SNUPN: variants seen among roughly 807,000 people sequenced by gnomAD.
SNUPN encodes the protein snurportin 1, also known as snurportin-1.
Under a neutral mutation model 39.2 loss-of-function variants are expected in SNUPN, and 31 were observed. That is an observed-to-expected ratio of 0.79 (90% CI 0.59 to 1.07). The LOEUF is 1.07. Ranked by LOEUF, SNUPN falls within the 50% of genes least tolerant of loss-of-function variation. The pLI is 0.00. For missense variants in SNUPN, 382 were observed against 434.2 expected (o/e 0.88, Z 1.07); for synonymous variants, 132 against 159.0 (o/e 0.83, Z 1.28).
intron 6 of SNUPN, 80 bp from the exon 7 acceptor site, chr15:75,605,307 T>A (rs1392467995): frequency 1.4e-5 from 4 of 287,336 alleles, no homozygotes; most frequent in East Asian, 7.1e-5. Flanking sequence ...CCCATGCTAT[T>A]TTTTTTTTTT....
At chr15:75,605,805 C>T (rs1170217386) in intron 6 of SNUPN, among the ~76,000 whole-genome samples, 2 of 152,162 alleles carry the variant, frequency 1.3e-5, no homozygotes, top group Admixed American at 6.6e-5. Context: ...TGGTTCTACA[C>T]GTGGGCAAGG....
At chr15:75,609,853 C>T in intron 4 of SNUPN, 37 bp downstream of exon 4, 2 of 1,496,212 alleles carry the variant, frequency 1.3e-6, no homozygotes, top group South Asian at 1.1e-5. Context: ...CCACTACAGA[C>T]CAGGCCTACT....
chr15:75,610,960 G>C (rs1372513562), intron 3 of SNUPN, among the ~76,000 whole-genome samples: 2 of 152,048 alleles, frequency 1.3e-5, no homozygotes, highest in Non-Finnish European at 2.9e-5. Context: ...ACGAGGTCAA[G>C]AGATTGAGAC....
At chr15:75,611,172 GAA>G (rs1233905715) in intron 3 of SNUPN, among the ~76,000 whole-genome samples, 2 of 109,362 alleles carry the variant, frequency 1.8e-5, no homozygotes, top group South Asian at 3.2e-4. Flanking sequence ...GTCTCAAAAA[GAA>G]AAAAAAAAAA....
chr15:75,617,278 T>C, intron 3 of SNUPN, 130 bp downstream of exon 3: 1 of 926,686 alleles, frequency 1.1e-6, no homozygotes, highest in Non-Finnish European at 1.7e-6. Context: ...ACTGGCATGT[T>C]CTTTGCAGTT....
At chr15:75,609,766 G>A in intron 4 of SNUPN, 115 bp from the exon 5 acceptor site, 1 of 1,136,938 alleles carries the variant, frequency 8.8e-7, no homozygotes, top group African/African-American at 1.5e-5. Context: ...AAACCTTCCT[G>A]CAGGAAAGTG....
intron 7 of SNUPN, among the ~76,000 whole-genome samples, chr15:75,603,283 G>A (rs2075304930): frequency 6.8e-6 from 1 of 146,022 alleles, no homozygotes; most frequent in Non-Finnish European, 1.5e-5. Flanking sequence ...TCCTGACCTC[G>A]TGATTCGCCT....
At chr15:75,612,485 A>C (rs1892808496) in intron 3 of SNUPN, among the ~76,000 whole-genome samples, 1 of 151,990 alleles carries the variant, frequency 6.6e-6, no homozygotes, top group Non-Finnish European at 1.5e-5. Flanking sequence ...CTCCCCCAAA[A>C]TATGTAATCT....
At position 75,598,600 on chromosome 15, in the gene SNUPN, T is replaced by C; in HGVS notation, c.841A>G (p.Met281Val). The C allele has an allele frequency of 1.2e-6, 2 of 1,614,080 alleles. No individual in the cohort carries two copies. The highest frequency in any genetic ancestry group is 1.7e-6 in the Non-Finnish European group (2 of 1,179,946). ...TPLVGWLRPY[M>V]VSDVLGVAVP... ...GCTACACCAAGGACATCTGACACCATGTAGGGGCGCAGCCAGCCCACCAAG... is the reference window on the plus strand; with the variant it reads ...GCTACACCAAGGACATCTGACACCACGTAGGGGCGCAGCCAGCCCACCAAG... The change falls in exon 9 of 9, where the codon ATG (methionine) becomes GTG (valine). Residue 281 changes from methionine to valine, a missense_variant. Transcript: ENST00000308588.
intron 2 of SNUPN, 107 bp from the exon 3 acceptor site, chr15:75,617,659 G>T: frequency 7.9e-7 from 1 of 1,268,192 alleles, no homozygotes; most frequent in African/African-American, 1.5e-5. Flanking sequence ...TCAGCTCACT[G>T]CAGCCTCAAC....
At chr15:75,621,506 C>T (rs1458500074) in intron 1 of SNUPN, among the ~76,000 whole-genome samples, 1 of 152,132 alleles carries the variant, frequency 6.6e-6, no homozygotes, top group Non-Finnish European at 1.5e-5. Context: ...AAGCAATCTT[C>T]CCTCCTCAGC....
chr15:75,617,875 A>T (rs1892975523), intron 2 of SNUPN, among the ~76,000 whole-genome samples: 1 of 152,130 alleles, frequency 6.6e-6, no homozygotes, highest in Non-Finnish European at 1.5e-5. Flanking sequence ...GAACCACCGC[A>T]TCTGGCCAGG....
At chr15:75,613,175 C>T (rs1238156589) in intron 3 of SNUPN, among the ~76,000 whole-genome samples, 2 of 140,384 alleles carry the variant, frequency 1.4e-5, no homozygotes, top group African/African-American at 2.7e-5. Context: ...AGGAGAATGG[C>T]GTGAACCCGG....
chr15:75,610,327 G>C (rs1397020813), intron 3 of SNUPN, among the ~76,000 whole-genome samples: 1 of 151,494 alleles, frequency 6.6e-6, no homozygotes, highest in Admixed American at 6.6e-5. Flanking sequence ...TTGAACCTGG[G>C]AGGCAGAGGT....
chr15:75,610,455 C>A lies in SNUPN; in HGVS notation c.304-461G>T, dbSNP rs534889141. Among the ~76,000 whole-genome samples the A allele has an allele frequency of 3.3e-3, 504 of 151,878 alleles. 3 individuals are homozygous for A. Among genetic ancestry groups the A allele is most frequent in the Admixed American group, 6.8e-3 (104 of 15,224 alleles). ...GAAAAGGCTGACAGTGGCACCTCCA[C>A]CCCATGTGCTCTAGGGAGTTGGCTG... On this transcript the variant is annotated intron_variant, in intron 3 of 8. Transcript: ENST00000308588.
chr15:75,620,281 T>A (rs557458211), intron 2 of SNUPN, among the ~76,000 whole-genome samples: 1 of 152,256 alleles, frequency 6.6e-6, no homozygotes, highest in South Asian at 2.1e-4. Context: ...TTCCTTAATT[T>A]ATGACCCAGA....
intron 2 of SNUPN, among the ~76,000 whole-genome samples, chr15:75,620,121 G>A (rs528559894): frequency 2.2e-4 from 34 of 152,124 alleles, no homozygotes; most frequent in Non-Finnish European, 3.7e-4. Context: ...TTTTAAAAAT[G>A]GGGAGAGGAA....
chr15:75,605,886 G>A (rs1332382241), intron 6 of SNUPN, among the ~76,000 whole-genome samples: 1 of 152,074 alleles, frequency 6.6e-6, no homozygotes, highest in Non-Finnish European at 1.5e-5. Flanking sequence ...AGGTGCAGTC[G>A]TTCATGCCCA....
chr15:75,620,983 G>C lies in SNUPN; in HGVS notation c.69C>G (p.Ala23=). ...TGTACTGGGATAGGCGGGGGTGTGG[G>C]GCAGCTGTGCTGTTCAGATCTTGAG... The part of the protein sequence containing the change: ...SVSQDLNSTA[A]PHPRLSQYKS... The change falls in exon 2 of 9, where the codon GCC becomes GCG. Residue 23 remains alanine, a synonymous_variant. Transcript: ENST00000308588. The C allele has an allele frequency of 6.2e-7, 1 of 1,614,106 alleles. No individual in the cohort carries two copies. The highest frequency in any genetic ancestry group is 8.5e-7 in the Non-Finnish European group (1 of 1,179,988).
Sources: allele counts gnomAD v4.1 joint callset (sites outside exome capture counted in the v4.1 genomes callset), GRCh38; gene constraint gnomAD v4.1.1; transcripts MANE v1.5; gene names NCBI Gene and HGNC (gene_info 2026-07-23, HGNC 2026-07-21).